SDK1: variants seen among roughly 807,000 people sequenced by gnomAD.
SDK1 encodes sidekick cell adhesion molecule 1.
Under a neutral mutation model 245.5 loss-of-function variants are expected in SDK1, and 157 were observed. That is an observed-to-expected ratio of 0.64 (90% CI 0.56 to 0.73). The LOEUF is 0.73. Among genes scored for constraint, SDK1 ranks in the 30% least tolerant of loss-of-function variants. SDK1 has a pLI of 0.00. For synonymous variants in SDK1, 1,647 were observed against 1,278.5 expected (o/e 1.29, Z -6.15); for missense variants, 3,583 against 3,002.3 (o/e 1.19, Z -4.52).
At chr7:3,383,575 G>C (rs567955131) in intron 1 of SDK1, among the ~76,000 whole-genome samples, 41 of 152,284 alleles carry the variant, frequency 2.7e-4, no homozygotes, top group African/African-American at 9.9e-4. Context: ...TGTGCTCTCT[G>C]TTTTGAGGAC....
intron 5 of SDK1, among the ~76,000 whole-genome samples, chr7:3,900,531 T>C (rs73674335): frequency 0.052 from 7,940 of 152,248 alleles, 682 homozygotes; most frequent in African/African-American, 0.18. Flanking sequence ...CATATCCTTA[T>C]AGAATTTCTC....
In SDK1 at chr7:3,916,389, C is replaced by G. The variant is rs781530059; in HGVS notation, c.848-34534C>G. Among the ~76,000 whole-genome samples, 60 of 152,170 alleles carry G rather than the reference C, an allele frequency of 3.9e-4. 1 individual carries two copies. The highest frequency in any genetic ancestry group is 1.6e-4 in the Non-Finnish European group (11 of 68,020). On this transcript the variant is annotated intron_variant, in intron 5 of 44. Coordinates refer to ENST00000404826, the MANE Select transcript of SDK1 (RefSeq NM_152744.4). ...GTGTTTTGCATGACTCAGTTCCCAG[C>G]CCTAACTTCCCCTTTGGCACAGTGA...
intron 4 of SDK1, among the ~76,000 whole-genome samples, chr7:3,751,723 T>C (rs1432712204): frequency 1.3e-5 from 2 of 152,264 alleles, no homozygotes; most frequent in East Asian, 3.9e-4. Context: ...CGGAAGGGGG[T>C]TCCAGTCAAG....
Position 3,943,263 on chromosome 7 carries a change from A to G in SDK1, c.848-7660A>G, listed in dbSNP as rs1780436005. Among the ~76,000 whole-genome samples, 3 of 128,016 alleles carry G rather than the reference A, an allele frequency of 2.3e-5. No homozygotes were observed. The South Asian group carries it at 7.8e-4, about 33-fold the overall frequency. The allele number at this position is 128,016 out of a possible 152,430, so 84.0% of individuals were successfully genotyped here. On this transcript the variant is annotated intron_variant, in intron 5 of 44. Transcript: ENST00000404826. ...CAAAAGTGGGGGAGCAACTGTGCTCAGAGCCCTGAGGGCAGGATGTTCCCT... is the reference window on the plus strand; with the variant it reads ...CAAAAGTGGGGGAGCAACTGTGCTCGGAGCCCTGAGGGCAGGATGTTCCCT...
At chr7:3,790,866 G>A (rs1473278259) in intron 4 of SDK1, among the ~76,000 whole-genome samples, 1 of 152,140 alleles carries the variant, frequency 6.6e-6, no homozygotes, top group Non-Finnish European at 1.5e-5. Context: ...GGCTAGGGAG[G>A]TTGGGACAGG....
At chr7:3,441,468 C>G (rs1046506750) in intron 1 of SDK1, among the ~76,000 whole-genome samples, 36 of 152,186 alleles carry the variant, frequency 2.4e-4, no homozygotes, top group Middle Eastern at 3.2e-3. Context: ...GTTGAAAAGG[C>G]TTCCCTTCCT....
intron 17 of SDK1, among the ~76,000 whole-genome samples, chr7:4,018,647 CTG>C (rs1348389946): frequency 1.3e-5 from 2 of 152,166 alleles, no homozygotes; most frequent in Non-Finnish European, 2.9e-5. Context: ...TTAACTGTGA[CTG>C]TTTCATTTTA....
rs778420128 is a variant in SDK1 at position 4,208,230 on chromosome 7, C to T, written c.5346C>T (p.Asn1782=). The change falls in exon 37 of 45, where the codon AAC becomes AAT. Residue 1782 remains asparagine, a synonymous_variant. Coordinates refer to ENST00000404826, the MANE Select transcript of SDK1 (RefSeq NM_152744.4). The stretch of plus-strand genomic sequence containing the variant: ...ACCTGGTCAGCATATCAGCCTTCAA[C>T]GCCGCCGGAGATGGACCTAAGAGTG... The part of the protein sequence containing the change: ...TKYLVSISAF[N]AAGDGPKSDP... The T allele has an allele frequency of 1.4e-5, 23 of 1,613,952 alleles. No individual in the cohort carries two copies. Among genetic ancestry groups the T allele is most frequent in the East Asian group, 6.7e-5 (3 of 44,886 alleles).
At chr7:3,890,980 C>T (rs1781444914) in intron 5 of SDK1, among the ~76,000 whole-genome samples, 1 of 152,206 alleles carries the variant, frequency 6.6e-6, no homozygotes, top group African/African-American at 2.4e-5. Context: ...GCTGTGGCTT[C>T]ACTGGGCCCA....
At position 4,074,919 on chromosome 7, in the gene SDK1, T is replaced by A. The variant is rs55979712; in HGVS notation, c.3011-2079T>A. ...ATATATATATATATATATATATATT[T>A]TTTTTTTTTTTTAATAAAGTTAGGA... On this transcript the variant is annotated intron_variant, in intron 20 of 44. Transcript: ENST00000404826. 5.2e-3 allele frequency among the ~76,000 whole-genome samples: 638 copies of A among 121,562 alleles called. 1 individual carries two copies. Among genetic ancestry groups the A allele is most frequent in the Non-Finnish European group, 7.4e-3 (437 of 59,178 alleles). The allele number at this position is 121,562 out of a possible 152,430, so 79.7% of individuals were successfully genotyped here.
intron 34 of SDK1, among the ~76,000 whole-genome samples, chr7:4,176,908 T>C (rs1159951953): frequency 6.6e-6 from 1 of 152,224 alleles, no homozygotes; most frequent in African/African-American, 2.4e-5. Flanking sequence ...AACCACGTTG[T>C]TTCTCCTTTG....
intron 17 of SDK1, among the ~76,000 whole-genome samples, chr7:4,023,731 A>G (rs1435047805): frequency 3.3e-5 from 5 of 152,214 alleles, no homozygotes; most frequent in Admixed American, 3.3e-4. Flanking sequence ...TGAAGCAATC[A>G]GTAGTTCATA....
chr7:3,931,148 C>G (rs1562545131), intron 5 of SDK1, among the ~76,000 whole-genome samples: 2 of 152,304 alleles, frequency 1.3e-5, no homozygotes, highest in South Asian at 4.1e-4. Flanking sequence ...CGGTTCCTAA[C>G]CAGAGGGGCA....
intron 5 of SDK1, among the ~76,000 whole-genome samples, chr7:3,907,624 A>G (rs952210724): frequency 6.6e-6 from 1 of 152,222 alleles, no homozygotes; most frequent in African/African-American, 2.4e-5. Context: ...TCCCTGGGAT[A>G]TATCCCTAAG....
intron 1 of SDK1, among the ~76,000 whole-genome samples, chr7:3,453,410 G>A (rs1005559857): frequency 1.1e-4 from 17 of 152,130 alleles, no homozygotes; most frequent in Admixed American, 9.2e-4. Flanking sequence ...TTGGACAAAG[G>A]GTCTTCGCAG....
At chr7:4,203,709 G>A (rs543858574) in intron 35 of SDK1, among the ~76,000 whole-genome samples, 59 of 152,320 alleles carry the variant, frequency 3.9e-4, no homozygotes, top group African/African-American at 1.4e-3. Context: ...CTGAAAGTCA[G>A]GTTCTCCTGT....
At position 4,077,110 on chromosome 7, in the gene SDK1, C is replaced by T. The variant is rs1474711122; in HGVS notation, c.3123C>T (p.Tyr1041=). The T allele has an allele frequency of 6.2e-7, 1 of 1,614,238 alleles. No individual in the cohort carries two copies. The highest frequency in any genetic ancestry group is 1.3e-5 in the African/African-American group (1 of 75,074). ...KIQGLSSLTT[Y]TIDVAAVTAV... ...AAGGCCTCTCATCTCTCACCACCTA[C>T]ACCATCGACGTGGCCGCTGTGACTG... is the stretch of plus-strand genomic sequence containing the variant. The change falls in exon 21 of 45, where the codon TAC becomes TAT. Residue 1041 remains tyrosine, a synonymous_variant. Coordinates refer to ENST00000404826, the MANE Select transcript of SDK1 (RefSeq NM_152744.4).
At chr7:3,737,044 C>T (rs1484936222) in intron 4 of SDK1, among the ~76,000 whole-genome samples, 1 of 152,222 alleles carries the variant, frequency 6.6e-6, no homozygotes, top group Admixed American at 6.5e-5. Flanking sequence ...TCTGATTCCA[C>T]TCAGGAGAAT....
intron 38 of SDK1, among the ~76,000 whole-genome samples, chr7:4,214,388 C>T (rs73674245): frequency 0.023 from 3,551 of 152,292 alleles, 129 homozygotes; most frequent in African/African-American, 0.08. Context: ...CAACCGTTTT[C>T]GCCTCTTTTC....
Sources: gnomAD v4.1 joint callset for allele counts (sites outside exome capture counted in the v4.1 genomes callset) on GRCh38, gnomAD v4.1.1 for gene constraint, MANE v1.5 for transcripts, NCBI Gene and HGNC (gene_info 2026-07-23, HGNC 2026-07-21) for gene names.